The following LAMC2 variants were observed in gnomAD, a reference collection of about 807,000 sequenced individuals.
The protein encoded by LAMC2 is laminin subunit gamma-2.
In LAMC2, 97 loss-of-function variants were observed where a neutral mutation model predicts 140.2. The observed-to-expected ratio is 0.69, with a 90% CI of 0.59 to 0.82. The LOEUF (loss-of-function observed/expected upper bound fraction) is 0.82. Among genes scored for constraint, LAMC2 ranks in the 40% least tolerant of loss-of-function variants. LAMC2 has a pLI of 0.00. For missense variants in LAMC2, 1,402 were observed against 1,476.1 expected (o/e 0.95, Z 0.82); for synonymous variants, 513 against 540.2 (o/e 0.95, Z 0.70).
intron 1 of LAMC2, among the ~76,000 whole-genome samples, chr1:183,191,249 A>G (rs754694557): frequency 6.6e-6 from 1 of 152,168 alleles, no homozygotes; most frequent in Non-Finnish European, 1.5e-5. Flanking sequence ...CTTATATTCA[A>G]GCATGTACAG....
chr1:183,201,907 TA>T (rs1658717889), intron 1 of LAMC2, among the ~76,000 whole-genome samples: 1 of 152,190 alleles, frequency 6.6e-6, no homozygotes, highest in Non-Finnish European at 1.5e-5. Context: ...TCAGTTTCAT[TA>T]AAAATGGCTA....
At chr1:183,236,933 C>T (rs898826414) in intron 17 of LAMC2, among the ~76,000 whole-genome samples, 5 of 152,258 alleles carry the variant, frequency 3.3e-5, no homozygotes, top group African/African-American at 9.6e-5. Flanking sequence ...TAGTATATCT[C>T]TATGTATAGC....
chr1:183,211,082 A>G (rs1177957259), intron 2 of LAMC2, among the ~76,000 whole-genome samples: 4 of 152,270 alleles, frequency 2.6e-5, no homozygotes, highest in African/African-American at 9.6e-5. Context: ...AATGAAGCCA[A>G]TGGCATTAAT....
At chr1:183,257,382 A>C in the LAMC2 span, among the ~76,000 whole-genome samples, 1 of 152,140 alleles carries the variant, frequency 6.6e-6, no homozygotes, top group Non-Finnish European at 1.5e-5. Context: ...CGGAGGTTGC[A>C]GTGAGCCAAG....
At chr1:183,223,346 AG>A (rs1659532907) in intron 7 of LAMC2, 22 bp downstream of exon 7, 1 of 1,607,162 alleles carries the variant, frequency 6.2e-7, no homozygotes. Flanking sequence ...GACCATAAGT[AG>A]GTCAATTAGA....
chr1:183,203,561 G>A (rs898339189), intron 1 of LAMC2, among the ~76,000 whole-genome samples: 2 of 150,178 alleles, frequency 1.3e-5, no homozygotes, highest in African/African-American at 4.9e-5. Context: ...TGGTTTGAGA[G>A]AGACCATTTT....
chr1:183,252,224 G>A, the LAMC2 span: 8 of 170,808 alleles, frequency 4.7e-5, no homozygotes, highest in African/African-American at 1.2e-4. Flanking sequence ...AGCCAGAGCC[G>A]CCTCCCCAGA....
In LAMC2 at chr1:183,240,339, G is replaced by A. The variant is rs1660096997; in HGVS notation, c.3276G>A (p.Gly1092=). The change falls in exon 22 of 23, where the codon GGG becomes GGA. Residue 1092 remains glycine, a synonymous_variant. Coordinates refer to ENST00000264144, the MANE Select transcript of LAMC2 (RefSeq NM_005562.3). The part of the protein sequence containing the change: ...QKVDTRAKNA[G]VTIQDTLNTL... ...TTGATACCAGAGCCAAGAACGCTGG[G>A]GTTACAATCCAAGACACACTCAACA... is the stretch of plus-strand genomic sequence containing the variant. 2 of 1,614,202 alleles carry A rather than the reference G, an allele frequency of 1.2e-6. No homozygotes were observed. The highest frequency in any genetic ancestry group is 1.7e-5 in the Admixed American group (1 of 60,028).
rs761475328 is a variant in LAMC2, at chr1:183,225,663, C to G, written c.1009C>G (p.Arg337Gly). ...CCCCCAGCTGAGTTACTTTGAGTATCGAAGGTTACTGCGGAATCTCACAGC... is the reference window on the plus strand; with the variant it reads ...CCCCCAGCTGAGTTACTTTGAGTATGGAAGGTTACTGCGGAATCTCACAGC... ...WSPQLSYFEYRRLLRNLTALR... is the reference protein window; with the variant it reads ...WSPQLSYFEYGRLLRNLTALR... The change falls in exon 8 of 23, where the codon CGA becomes GGA. Residue 337 changes from arginine to glycine, a missense_variant. By Grantham distance (125) the Arg-to-Gly change is moderately radical (BLOSUM62 -2). This residue lies in a region of LAMC2 where 723 missense variants were observed against 783.3 expected (regional missense o/e 0.92). Transcript: ENST00000264144. The G allele has an allele frequency of 1.2e-6, 2 of 1,613,874 alleles. No homozygotes were observed. Among genetic ancestry groups the G allele is most frequent in the Non-Finnish European group, 1.7e-6 (2 of 1,179,906 alleles).
chr1:183,227,727 C>A (rs757597318), intron 10 of LAMC2, 30 bp downstream of exon 10: 3 of 1,602,570 alleles, frequency 1.9e-6, no homozygotes, highest in Non-Finnish European at 2.6e-6. Flanking sequence ...CTGCCACCTG[C>A]CTCTTCCTGT....
chr1:183,232,791 T>C lies in LAMC2; in HGVS notation c.2154T>C (p.Asp718=). ...GTCAGTACCAGAACCGAGTTCGGGA[T>C]ACTCACAGGCTCATCACTCAGATGC... ...LGSQYQNRVR[D]THRLITQMQL... is the part of the protein sequence containing the mutation. Residue 718 remains aspartate (D), a synonymous_variant, in exon 14 of 23, where the codon GAT becomes GAC. Transcript: ENST00000264144. The C allele has an allele frequency of 6.2e-7, 1 of 1,614,126 alleles. No homozygotes were observed. Among genetic ancestry groups the C allele is most frequent in the Non-Finnish European group, 8.5e-7 (1 of 1,179,990 alleles).
At chr1:183,201,825 A>G (rs1014308836) in intron 1 of LAMC2, among the ~76,000 whole-genome samples, 3 of 152,236 alleles carry the variant, frequency 2.0e-5, no homozygotes, top group African/African-American at 7.2e-5. Flanking sequence ...CAGCATATCC[A>G]TATTAAAAGG....
intron 1 of LAMC2, among the ~76,000 whole-genome samples, chr1:183,190,416 G>A (rs1414818818): frequency 6.6e-6 from 1 of 151,832 alleles, no homozygotes; most frequent in Admixed American, 6.6e-5. Context: ...TGAGCCCCAA[G>A]TTTTACCCAA....
At chr1:183,249,510 A>C (rs200092424), downstream of LAMC2, 1 of 152,206 alleles carries the variant, frequency 6.6e-6, no homozygotes, top group Non-Finnish European at 1.5e-5. Context: ...GCAGGAAGGA[A>C]CAGGACCCCA....
chr1:183,223,552 A>C (rs1374173026), intron 7 of LAMC2, among the ~76,000 whole-genome samples: 1 of 152,164 alleles, frequency 6.6e-6, no homozygotes, highest in Non-Finnish European at 1.5e-5. Context: ...GCAGTTTGTC[A>C]AGGGACAGAA....
At chr1:183,215,855 G>T (rs1052984418) in intron 3 of LAMC2, among the ~76,000 whole-genome samples, 2 of 152,154 alleles carry the variant, frequency 1.3e-5, no homozygotes, top group Non-Finnish European at 2.9e-5. Flanking sequence ...CTTAAGCTCA[G>T]AGTTTTGGGT....
In LAMC2 at chr1:183,228,618, A is replaced by T. The variant is rs1219764740; in HGVS notation, c.1713A>T (p.Arg571=). 1 of 1,613,940 alleles carries T rather than the reference A, an allele frequency of 6.2e-7. No homozygotes were observed. Among genetic ancestry groups the T allele is most frequent in the Admixed American group, 1.7e-5 (1 of 60,018 alleles). ...CTCCCAACCCAGCAGACAAGTGTCGAGGTAGGACTCCACCCCAGGCAGGCT... is the reference window on the plus strand; with the variant it reads ...CTCCCAACCCAGCAGACAAGTGTCGTGGTAGGACTCCACCCCAGGCAGGCT... The part of the protein sequence containing the change: ...PLAPNPADKC[R]ACNCNPMGSE... Residue 571 remains arginine, a splice_region_variant and synonymous_variant, in exon 11 of 23, where the codon CGA becomes CGT. Transcript: ENST00000264144. This position sits in a 1 kb window ranked among gnomAD's most constrained non-coding sequence, Gnocchi z 4.3.
rs757609631 is a variant in LAMC2 at position 183,239,505 on chromosome 1, C to A, written c.3011C>A (p.Ala1004Glu). The change falls in exon 20 of 23, where the codon GCA (alanine) becomes GAA (glutamate). Residue 1004 changes from alanine (A) to glutamate (E), a missense_variant. Physicochemically the swap from Ala to Glu is moderately radical, Grantham distance 107. Coordinates refer to ENST00000264144, the MANE Select transcript of LAMC2 (RefSeq NM_005562.3). ...ERALGSAAADAQRAKNGAGEA... is the reference protein window; with the variant it reads ...ERALGSAAADEQRAKNGAGEA... ...GCCCTGGGGAGCGCTGCTGCTGATG[C>A]ACAGAGGGCAAAGAATGGGGCCGGG... 2 of 1,613,392 alleles carry A rather than the reference C, an allele frequency of 1.2e-6. No individual in the cohort carries two copies. Among genetic ancestry groups the A allele is most frequent in the African/African-American group, 1.3e-5 (1 of 74,864 alleles).
At position 183,243,226 on chromosome 1, in the gene LAMC2, C is replaced by T. The variant is rs199763356; in HGVS notation, c.3408C>T (p.Ser1136=). 6.2e-7 allele frequency: 1 copy of T among 1,614,150 alleles called. No homozygotes were observed. The highest frequency in any genetic ancestry group is 2.2e-5 in the East Asian group (1 of 44,882). Residue 1136 remains serine, a synonymous_variant, in exon 23 of 23, where the codon AGC becomes AGT. Transcript: ENST00000264144. ...KLSRAKTQIN[S]QLRPMMSELE... ...CCCGAGCCAAGACCCAGATCAACAG[C>T]CAACTGCGGCCCATGATGTCAGAGC... is the stretch of plus-strand genomic sequence containing the variant.
Sources: gnomAD v4.1 joint callset for allele counts (sites outside exome capture counted in the v4.1 genomes callset) on GRCh38, gnomAD v4.1.1 for gene constraint, gnomAD v4.1.1 regional missense constraint, Gnocchi (gnomAD v3.1) non-coding constraint, MANE v1.5 for transcripts, NCBI Gene and HGNC (gene_info 2026-07-23, HGNC 2026-07-21) for gene names.